C18orf63: variants seen among roughly 807,000 people sequenced by gnomAD.
The protein encoded by C18orf63 is chromosome 18 open reading frame 63, also known as uncharacterized protein C18orf63.
In C18orf63, 50 loss-of-function variants were observed where a neutral mutation model predicts 75.3. The ratio of observed to expected loss-of-function variants is 0.66; its 90% confidence interval spans 0.53 to 0.84. The LOEUF is 0.84. C18orf63 is among the 40% of genes least tolerant of loss of function. C18orf63 has a pLI of 0.00. For synonymous variants in C18orf63, 232 were observed against 267.6 expected (o/e 0.87, Z 1.30); for missense variants, 732 against 800.2 (o/e 0.91, Z 1.03).
Position 74,343,571 on chromosome 18 carries a change from G to A in C18orf63, c.847G>A (p.Asp283Asn). Residue 283 changes from aspartate to asparagine, a missense_variant, in exon 11 of 14, where the codon GAT becomes AAT. Coordinates refer to ENST00000579455, the MANE Select transcript of C18orf63 (RefSeq NM_001174123.2). ...GCCCATGCAGTTCTTTCCAAGGGTA[G>A]ATTCGGAAGTTGTGTTGAAAAGTTT... is the stretch of plus-strand genomic sequence containing the variant. The part of the protein sequence containing the change: ...SQPMQFFPRV[D>N]SEVVLKSFLS... The A allele has an allele frequency of 2.0e-6, 3 of 1,534,950 alleles. No homozygotes were observed. The highest frequency in any genetic ancestry group is 2.6e-6 in the Non-Finnish European group (3 of 1,146,014).
At chr18:74,350,025 C>CTG (rs1984640125) in intron 11 of C18orf63, among the ~76,000 whole-genome samples, 1 of 152,148 alleles carries the variant, frequency 6.6e-6, no homozygotes, top group South Asian at 2.1e-4. Flanking sequence ...GGAGGTTGAA[C>CTG]ACCAGTCCAT....
chr18:74,325,900 A>G (rs545854778), intron 4 of C18orf63, among the ~76,000 whole-genome samples: 1 of 152,212 alleles, frequency 6.6e-6, no homozygotes, highest in Non-Finnish European at 1.5e-5. Flanking sequence ...CCAGGTCACC[A>G]AGCAGGATGG....
chr18:74,343,356 A>AC (rs1274486019), intron 10 of C18orf63, among the ~76,000 whole-genome samples, 163 bp from the exon 11 acceptor site: 2 of 152,170 alleles, frequency 1.3e-5, no homozygotes, highest in Non-Finnish European at 2.9e-5. Flanking sequence ...CTGTGAGAAA[A>AC]CATACTTTCA....
intron 11 of C18orf63, among the ~76,000 whole-genome samples, chr18:74,351,742 T>C (rs184649465): frequency 4.9e-4 from 74 of 152,362 alleles, no homozygotes; most frequent in African/African-American, 1.8e-3. Flanking sequence ...TACTTGTGCC[T>C]ATTTCCAACT....
Position 74,354,169 on chromosome 18 carries a change from C to A in C18orf63, c.1902C>A (p.His634Gln). Residue 634 changes from histidine (H) to glutamine (Q), a missense_variant, in exon 12 of 14, where the codon CAC (histidine) becomes CAA (glutamine). His to Gln is a conservative substitution (Grantham distance 24). Around this residue, in one of 3 missense-constraint regions of C18orf63, gnomAD observed 495 missense variants for 508.7 expected, o/e 0.97. Transcript: ENST00000579455. ...DHRLIVSKIAHRSKRKLCPES... is the reference protein window; with the variant it reads ...DHRLIVSKIAQRSKRKLCPES... ...GGTTGATAGTAAGCAAAATAGCCCA[C>A]AGGTCTAAAAGAAAATTATGTCCAG... is the stretch of plus-strand genomic sequence containing the variant. 1 of 1,536,234 alleles carries A rather than the reference C, an allele frequency of 6.5e-7. No homozygotes were observed. The highest frequency in any genetic ancestry group is 1.2e-5 in the South Asian group (1 of 84,060).
chr18:74,323,703 A>G (rs1984162202), intron 4 of C18orf63, among the ~76,000 whole-genome samples: 1 of 152,236 alleles, frequency 6.6e-6, no homozygotes, highest in African/African-American at 2.4e-5. Context: ...ACATTTTAGT[A>G]TAGCAGATCC....
intron 10 of C18orf63, 117 bp from the exon 11 acceptor site, chr18:74,343,402 T>G: frequency 1.7e-6 from 1 of 586,118 alleles, no homozygotes; most frequent in South Asian, 2.5e-5. Context: ...TATAAAAGAG[T>G]TAAGATATAT....
In C18orf63 at chr18:74,354,226, C is replaced by T. The variant is rs575338664; in HGVS notation, c.1959C>T (p.Ser653=). The T allele has an allele frequency of 3.6e-4, 553 of 1,533,846 alleles. No homozygotes were observed. Among genetic ancestry groups the T allele is most frequent in the Non-Finnish European group, 4.7e-4 (534 of 1,146,378 alleles). ...ESSKTSKKHH[S]DTVHYGQSSS... is the part of the protein sequence containing the mutation. ...CCAAAACTTCAAAGAAGCATCATTC[C>T]GATACTGTGCACTATGGCCAATCCA... Residue 653 remains serine, a synonymous_variant, in exon 12 of 14, where the codon TCC becomes TCT. Coordinates refer to ENST00000579455, the MANE Select transcript of C18orf63 (RefSeq NM_001174123.2).
rs1984145388 is a variant in C18orf63 at position 74,322,770 on chromosome 18, T to C, written c.270+16T>C. 2 of 1,096,220 alleles carry C rather than the reference T, an allele frequency of 1.8e-6. No homozygotes were observed. The highest frequency in any genetic ancestry group is 2.6e-6 in the Non-Finnish European group (2 of 775,782). The allele number at this position is 1,096,220 out of a possible 1,614,324, so 67.9% of individuals were successfully genotyped here. ...TGGAGCTAAGGTAAGTGTTAAAAAATGATATTAATACCATATGTTGTTTAT... is the reference window on the plus strand; with the variant it reads ...TGGAGCTAAGGTAAGTGTTAAAAAACGATATTAATACCATATGTTGTTTAT... On this transcript the variant is annotated intron_variant, in intron 4 of 13. Coordinates refer to ENST00000579455, the MANE Select transcript of C18orf63 (RefSeq NM_001174123.2).
intron 11 of C18orf63, among the ~76,000 whole-genome samples, chr18:74,345,426 T>C (rs1984558458): frequency 6.6e-6 from 1 of 152,136 alleles, no homozygotes; most frequent in Non-Finnish European, 1.5e-5. Flanking sequence ...TGGTTGCTAC[T>C]TTTTGTACCC....
At chr18:74,320,400 C>T (rs1486834567) in intron 2 of C18orf63, 113 bp from the exon 3 acceptor site, 1 of 648,354 alleles carries the variant, frequency 1.5e-6, no homozygotes, top group Non-Finnish European at 2.6e-6. Context: ...GAGCCAATCA[C>T]TTCCCACCAG....
chr18:74,333,274 A>G (rs1421555925), intron 7 of C18orf63, among the ~76,000 whole-genome samples: 1 of 152,198 alleles, frequency 6.6e-6, no homozygotes, highest in Non-Finnish European at 1.5e-5. Flanking sequence ...GACAAACAGA[A>G]TGCAGAACAC....
At chr18:74,319,085 C>T (rs553056431) in intron 2 of C18orf63, among the ~76,000 whole-genome samples, 1 of 152,094 alleles carries the variant, frequency 6.6e-6, no homozygotes, top group Non-Finnish European at 1.5e-5. Flanking sequence ...GAGCCTGTAC[C>T]CTTCCTGCTA....
At chr18:74,343,423 C>A (rs1984520950) in intron 10 of C18orf63, 96 bp from the exon 11 acceptor site, 1 of 700,190 alleles carries the variant, frequency 1.4e-6, no homozygotes, top group Non-Finnish European at 2.3e-6. Flanking sequence ...TTATGTGTGC[C>A]TTTTTAACAT....
At chr18:74,352,463 C>T (rs982288602) in intron 11 of C18orf63, among the ~76,000 whole-genome samples, 4 of 141,996 alleles carry the variant, frequency 2.8e-5, no homozygotes, top group African/African-American at 7.7e-5. Context: ...AGACTGTAAA[C>T]GCTTGGCTCT....
Position 74,330,924 on chromosome 18 carries a change from C to A in C18orf63, c.483C>A (p.Ile161=). 6.8e-7 allele frequency: 1 copy of A among 1,463,880 alleles called. No homozygotes were observed. Among genetic ancestry groups the A allele is most frequent in the Non-Finnish European group, 9.1e-7 (1 of 1,098,914 alleles). 90.7% of individuals were successfully genotyped at this position (1,463,880 alleles called of 1,614,324 possible). A position where few individuals can be genotyped will look rare whatever the true frequency, so the allele number is the denominator to read the frequency against. The change falls in exon 7 of 14, where the codon ATC becomes ATA. Residue 161 remains isoleucine (I), a synonymous_variant. Coordinates refer to ENST00000579455, the MANE Select transcript of C18orf63 (RefSeq NM_001174123.2). ...QVCLSIEACT[I]RLPAPELKEF... is the part of the protein sequence containing the mutation. ...GTCTAAGTATAGAAGCTTGCACAAT[C>A]AGACTGCCAGCACCTGAGGTACCAT...
chr18:74,335,149 A>C (rs1257076880), intron 7 of C18orf63, among the ~76,000 whole-genome samples: 1 of 152,122 alleles, frequency 6.6e-6, no homozygotes, highest in Non-Finnish European at 1.5e-5. Flanking sequence ...CTATCATAGG[A>C]GCCTACTCTA....
At chr18:74,343,813 TTA>T (rs1255830511) in intron 11 of C18orf63, 111 bp downstream of exon 11, 6 of 537,892 alleles carry the variant, frequency 1.1e-5, no homozygotes, top group Non-Finnish European at 1.5e-5. Flanking sequence ...AGTAATTCTT[TTA>T]TCTCAGTTCA....
intron 1 of C18orf63, among the ~76,000 whole-genome samples, chr18:74,317,396 A>G (rs1336682076): frequency 6.6e-6 from 1 of 152,238 alleles, no homozygotes; most frequent in Non-Finnish European, 1.5e-5. Flanking sequence ...TCTGTCGTGT[A>G]CAATGAAAAA....
Sources: allele counts gnomAD v4.1 joint callset (sites outside exome capture counted in the v4.1 genomes callset), GRCh38; gene constraint gnomAD v4.1.1; regional missense constraint gnomAD v4.1.1; transcripts MANE v1.5; gene names NCBI Gene and HGNC (gene_info 2026-07-23, HGNC 2026-07-21).